VSTM5: variants seen among roughly 807,000 people sequenced by gnomAD.
VSTM5 encodes the protein V-set and transmembrane domain containing 5, also known as V-set and transmembrane domain-containing protein 5.
Under a neutral mutation model 20.3 loss-of-function variants are expected in VSTM5, and 21 were observed. The observed-to-expected ratio is 1.03, with a 90% CI of 0.73 to 1.49. The LOEUF (loss-of-function observed/expected upper bound fraction) is 1.49, where lower values mean the gene tolerates loss of function less well. Ranked by LOEUF, VSTM5 falls within the 40% of genes most tolerant of loss-of-function variation. The probability of loss-of-function intolerance (pLI) is 0.00; values close to 1 mark genes in which losing one functional copy is unlikely to be tolerated. For synonymous variants in VSTM5, 100 were observed against 102.5 expected (o/e 0.98, Z 0.14); for missense variants, 219 against 250.0 (o/e 0.88, Z 0.84).
At chr11:93,841,011 A>ACCTGGGGTCTGGGGGC (rs1224187157) in intron 1 of VSTM5, among the ~76,000 whole-genome samples, 4,268 of 152,278 alleles carry the variant, frequency 0.028, 204 homozygotes, top group African/African-American at 0.098. Flanking sequence ...AAGGCCAATT[A>ACCTGGGGTCTGGGGGC]ACAAAAACGC....
At chr11:93,832,649 A>G (rs1159923921) in intron 1 of VSTM5, among the ~76,000 whole-genome samples, 2 of 152,240 alleles carry the variant, frequency 1.3e-5, no homozygotes, top group East Asian at 1.9e-4. Flanking sequence ...CATATATACA[A>G]TGGACAACCC....
In VSTM5 at chr11:93,819,116, C is replaced by T. The variant is rs1379304579; in HGVS notation, c.*1453G>A. On this transcript the variant is annotated 3_prime_UTR_variant, in exon 4 of 4. Transcript: ENST00000409977. ...TAACTTATCCAAGCAACTCCTCTGCCACATAGGAAATAGAGAAGATATGGA... is the reference window on the plus strand; with the variant it reads ...TAACTTATCCAAGCAACTCCTCTGCTACATAGGAAATAGAGAAGATATGGA... 6.6e-6 allele frequency: 1 copy of T among 152,160 alleles called. No individual in the cohort carries two copies. Among genetic ancestry groups the T allele is most frequent in the Non-Finnish European group, 1.5e-5 (1 of 68,054 alleles). The allele number at this position is 152,160 out of a possible 1,614,324, so 9.4% of individuals were successfully genotyped here.
At chr11:93,845,594 C>T (rs1183595348) in intron 1 of VSTM5, among the ~76,000 whole-genome samples, 1 of 152,190 alleles carries the variant, frequency 6.6e-6, no homozygotes, top group Non-Finnish European at 1.5e-5. Flanking sequence ...ACTCTCATTC[C>T]TGCTGGATAA....
chr11:93,841,453 G>A lies in VSTM5; in HGVS notation c.91+8959C>T, dbSNP rs868671172. Reference sequence around the variant, plus strand: ...ACAACTCACTCAAGGCTTTCCTTCTGGTAACACCTAGGTGATGCTTCCTTC... The same window carrying A: ...ACAACTCACTCAAGGCTTTCCTTCTAGTAACACCTAGGTGATGCTTCCTTC... On this transcript the variant is annotated intron_variant, in intron 1 of 3. Transcript: ENST00000409977. Among the ~76,000 whole-genome samples the A allele has an allele frequency of 3.9e-5, 6 of 152,284 alleles. No homozygotes were observed. In the South Asian group the frequency reaches 1.2e-3, roughly 32 times the overall value.
intron 1 of VSTM5, among the ~76,000 whole-genome samples, chr11:93,836,826 A>G (rs1159887129): frequency 1.3e-5 from 2 of 152,122 alleles, no homozygotes; most frequent in Non-Finnish European, 2.9e-5. Context: ...TACCTGGAAC[A>G]TGGATGAGAA....
rs1944182927 is a variant in VSTM5, at chr11:93,821,214, C to G, written c.201G>C (p.Trp67Cys). ...YSCHGVPTIEWTYSSNWGTQK... is the reference protein window; with the variant it reads ...YSCHGVPTIECTYSSNWGTQK... ...GCGTTCCCCAATTGGATGAATATGT[C>G]CATTCGATGGTGGGCACTCCATGAC... The change falls in exon 2 of 4, where the codon TGG (tryptophan) becomes TGC (cysteine). Residue 67 changes from tryptophan (W) to cysteine (C), a missense_variant. Trp to Cys is a radical substitution (Grantham distance 215). Coordinates refer to ENST00000409977, the MANE Select transcript of VSTM5 (RefSeq NM_001144871.2). 6.4e-7 allele frequency: 1 copy of G among 1,552,046 alleles called. No individual in the cohort carries two copies. The highest frequency in any genetic ancestry group is 8.7e-7 in the Non-Finnish European group (1 of 1,147,092).
At chr11:93,837,040 C>CACAT (rs1409629852) in intron 1 of VSTM5, among the ~76,000 whole-genome samples, 3 of 150,684 alleles carry the variant, frequency 2.0e-5, no homozygotes, top group Non-Finnish European at 3.0e-5. Flanking sequence ...CACACACACA[C>CACAT]ATATATTTTG....
rs1458006486 is a variant in VSTM5 at position 93,820,466 on chromosome 11, G to A, written c.*103C>T. 1.6e-6 allele frequency: 2 copies of A among 1,243,142 alleles called. No individual in the cohort carries two copies. The highest frequency in any genetic ancestry group is 1.4e-5 in the South Asian group (1 of 72,490). The allele number at this position is 1,243,142 out of a possible 1,614,324, so 77.0% of individuals were successfully genotyped here. A position where few individuals can be genotyped will look rare whatever the true frequency, so the allele number is the denominator to read the frequency against. ...TCTCCCACTGTCCTGTTAGGAGCGG[G>A]CTGCAACAGGACCACACACAATGGG... On this transcript the variant is annotated 3_prime_UTR_variant, in exon 4 of 4. Coordinates refer to ENST00000409977, the MANE Select transcript of VSTM5 (RefSeq NM_001144871.2).
At chr11:93,823,896 T>C (rs535059131) in intron 1 of VSTM5, among the ~76,000 whole-genome samples, 3 of 127,322 alleles carry the variant, frequency 2.4e-5, no homozygotes, top group African/African-American at 9.0e-5. Flanking sequence ...CCCAGTAGGA[T>C]TGGTGGTTTG....
intron 1 of VSTM5, among the ~76,000 whole-genome samples, chr11:93,841,912 G>A (rs1424729931): frequency 1.3e-5 from 2 of 152,186 alleles, no homozygotes; most frequent in Non-Finnish European, 2.9e-5. Context: ...ATGCATTCAT[G>A]GATTCTAGAG....
chr11:93,846,735 G>C (rs1474547542), intron 1 of VSTM5, among the ~76,000 whole-genome samples: 1 of 151,368 alleles, frequency 6.6e-6, no homozygotes, highest in Non-Finnish European at 1.5e-5. Context: ...AAACAGTACA[G>C]AATGAATGCA....
intron 1 of VSTM5, among the ~76,000 whole-genome samples, chr11:93,824,362 C>G (rs140532754): frequency 0.016 from 2,432 of 152,280 alleles, 55 homozygotes; most frequent in African/African-American, 0.054. Context: ...GCCAGCCTAA[C>G]AGGAGTTAGG....
At chr11:93,826,460 C>T (rs1198084444) in intron 1 of VSTM5, among the ~76,000 whole-genome samples, 4 of 151,682 alleles carry the variant, frequency 2.6e-5, no homozygotes, top group African/African-American at 7.3e-5. Context: ...TGCAGTGGCA[C>T]GATCTCAGCT....
At chr11:93,842,241 C>A (rs1944376050) in intron 1 of VSTM5, among the ~76,000 whole-genome samples, 1 of 152,078 alleles carries the variant, frequency 6.6e-6, no homozygotes, top group African/African-American at 2.4e-5. Context: ...TGGAGTTGTA[C>A]CAGGGATTAA....
chr11:93,837,011 GCACA>G lies in VSTM5; in HGVS notation c.91+13397_91+13400del, dbSNP rs59949447. ...CTTCTTTTTGCCTGAAAAAAAAAAT[GCACA>G]CACACACACACACACACACACACAC... On this transcript the variant is annotated intron_variant, in intron 1 of 3. Transcript: ENST00000409977. Among the ~76,000 whole-genome samples the G allele has an allele frequency of 4.5e-3, 634 of 140,822 alleles. 12 individuals carry two copies. The highest frequency in any genetic ancestry group is 0.014 in the African/African-American group (520 of 37,078). 92.4% of individuals were successfully genotyped at this position (140,822 alleles called of 152,430 possible). A position where few individuals can be genotyped will look rare whatever the true frequency, so the allele number is the denominator to read the frequency against.
intron 1 of VSTM5, among the ~76,000 whole-genome samples, chr11:93,832,118 TAC>T (rs1257032295): frequency 2.6e-5 from 4 of 152,246 alleles, no homozygotes; most frequent in Admixed American, 2.0e-4. Flanking sequence ...TAAAGCACAG[TAC>T]AGTCAATTGT....
intron 1 of VSTM5, among the ~76,000 whole-genome samples, chr11:93,836,244 T>A (rs1213701435): frequency 2.0e-5 from 3 of 152,256 alleles, no homozygotes; most frequent in Non-Finnish European, 4.4e-5. Flanking sequence ...TGCTTCACTA[T>A]GCCTGCTTAA....
intron 1 of VSTM5, among the ~76,000 whole-genome samples, chr11:93,837,419 T>C (rs142975200): frequency 2.6e-3 from 392 of 152,226 alleles, no homozygotes; most frequent in African/African-American, 8.9e-3. Context: ...TATGCCCTCA[T>C]GCACACACAG....
At position 93,821,052 on chromosome 11, in the gene VSTM5, G is replaced by C. The variant is rs531237300; in HGVS notation, c.363C>G (p.Thr121=). The stretch of plus-strand genomic sequence containing the variant: ...GGCTGCTCCCCAGGCGCTCCGTCAC[G>C]GTGATGACATAGTAGCCGGAATCCC... ...GVRDSGYYVI[T]VTERLGSSQF... is the part of the protein sequence containing the mutation. Residue 121 remains threonine (T), a synonymous_variant, in exon 2 of 4, where the codon ACC becomes ACG. Coordinates refer to ENST00000409977, the MANE Select transcript of VSTM5 (RefSeq NM_001144871.2). 6.4e-7 allele frequency: 1 copy of C among 1,551,740 alleles called. No homozygotes were observed. Among genetic ancestry groups the C allele is most frequent in the Admixed American group, 2.0e-5 (1 of 51,004 alleles).
Sources: gnomAD v4.1 joint callset for allele counts (sites outside exome capture counted in the v4.1 genomes callset) on GRCh38, gnomAD v4.1.1 for gene constraint, MANE v1.5 for transcripts, NCBI Gene and HGNC (gene_info 2026-07-23, HGNC 2026-07-21) for gene names.